Variants in SLC25A27 observed in about 807,000 individuals in gnomAD.
SLC25A27 encodes the protein solute carrier family 25 member 27, also known as mitochondrial uncoupling protein 4.
Under a neutral mutation model 49.1 loss-of-function variants are expected in SLC25A27, and 35 were observed. That is an observed-to-expected ratio of 0.71 (90% CI 0.54 to 0.95). SLC25A27 has a LOEUF of 0.95. Ranked by LOEUF, SLC25A27 falls within the 40% of genes least tolerant of loss-of-function variation. SLC25A27 has a pLI of 0.00. For synonymous variants in SLC25A27, 144 were observed against 136.9 expected (o/e 1.05, Z -0.36); for missense variants, 339 against 397.1 (o/e 0.85, Z 1.24).
chr6:46,653,833 A>G (rs1392999758), intron 1 of SLC25A27: 12 of 985,258 alleles, frequency 1.2e-5, no homozygotes, highest in African/African-American at 1.7e-5. Context: ...AGTCAATAAT[A>G]TATGATTGCT....
chr6:46,674,304 A>C (rs1222604634), intron 8 of SLC25A27, among the ~76,000 whole-genome samples: 1 of 152,184 alleles, frequency 6.6e-6, no homozygotes, highest in African/African-American at 2.4e-5. Context: ...AGATAAGAAA[A>C]TCATGGCTCA....
intron 6 of SLC25A27, 66 bp downstream of exon 6, chr6:46,668,859 T>A: frequency 1.1e-6 from 1 of 923,040 alleles, no homozygotes; most frequent in Non-Finnish European, 1.8e-6. Flanking sequence ...ATATTTGACA[T>A]AAATTCTTTA....
intron 5 of SLC25A27, among the ~76,000 whole-genome samples, chr6:46,666,228 C>T (rs1428956217): frequency 6.6e-6 from 1 of 152,156 alleles, no homozygotes; most frequent in African/African-American, 2.4e-5. Flanking sequence ...ATTATATGCC[C>T]TTTTGTGTGT....
Position 46,676,474 on chromosome 6 carries a change from T to C in SLC25A27, c.*20T>C, listed in dbSNP as rs776914860. ...TTTTAAACCCCTAAAGATGCAACCCTTAAAGATACAGTGTTCAGTATTATT... is the reference window on the plus strand; with the variant it reads ...TTTTAAACCCCTAAAGATGCAACCCCTAAAGATACAGTGTTCAGTATTATT... On this transcript the variant is annotated 3_prime_UTR_variant, in exon 9 of 9. Coordinates refer to ENST00000371347, the MANE Select transcript of SLC25A27 (RefSeq NM_004277.5). The C allele has an allele frequency of 6.8e-6, 11 of 1,613,748 alleles. No homozygotes were observed. In the East Asian group the frequency reaches 2.5e-4, roughly 36 times the overall value.
chr6:46,675,229 A>G (rs946581855), intron 8 of SLC25A27, among the ~76,000 whole-genome samples: 8 of 152,158 alleles, frequency 5.3e-5, no homozygotes, highest in African/African-American at 1.7e-4. Flanking sequence ...TCATTTGCCT[A>G]TGGATTTTGT....
intron 2 of SLC25A27, chr6:46,658,736 T>A (rs1582498785): frequency 1.8e-6 from 1 of 542,652 alleles, no homozygotes; most frequent in Non-Finnish European, 3.3e-6. Context: ...GAGAATTCAT[T>A]CTAGAAAGAT....
At position 46,662,361 on chromosome 6, in the gene SLC25A27, T is replaced by A; in HGVS notation, c.384-15T>A. 1.9e-6 allele frequency: 3 copies of A among 1,611,760 alleles called. No individual in the cohort carries two copies. The highest frequency in any genetic ancestry group is 2.5e-6 in the Non-Finnish European group (3 of 1,179,148). On this transcript the variant is annotated splice_polypyrimidine_tract_variant and intron_variant, in intron 3 of 8. Transcript: ENST00000371347. Reference sequence around the variant, plus strand: ...ATTAATGGCAACTTTAAAAAGAATTTCCTTCTGCAATTAGGAAATCAGTCA... The same window carrying A: ...ATTAATGGCAACTTTAAAAAGAATTACCTTCTGCAATTAGGAAATCAGTCA...
At chr6:46,655,673 T>C (rs564742192) in intron 1 of SLC25A27, among the ~76,000 whole-genome samples, 170 bp from the exon 2 acceptor site, 7 of 151,160 alleles carry the variant, frequency 4.6e-5, no homozygotes, top group Non-Finnish European at 1.0e-4. Context: ...TTAGAATCCA[T>C]GGGCACGGGG....
intron 4 of SLC25A27, among the ~76,000 whole-genome samples, chr6:46,663,241 T>G (rs913063168): frequency 2.0e-5 from 3 of 152,122 alleles, no homozygotes; most frequent in African/African-American, 7.2e-5. Context: ...CAGGATGACT[T>G]GAGCTGAGTA....
intron 8 of SLC25A27, among the ~76,000 whole-genome samples, chr6:46,671,578 C>A (rs1485271429): frequency 1.3e-5 from 2 of 151,482 alleles, no homozygotes; most frequent in Non-Finnish European, 2.9e-5. Flanking sequence ...CACTAGAGAC[C>A]TCTCCTACAA....
At chr6:46,655,142 G>A (rs1444634805) in intron 1 of SLC25A27, among the ~76,000 whole-genome samples, 2 of 152,144 alleles carry the variant, frequency 1.3e-5, no homozygotes, top group Non-Finnish European at 2.9e-5. Context: ...ATATAATTTA[G>A]TGCTGGAAAA....
At chr6:46,653,962 C>T in intron 1 of SLC25A27, 4 of 714,360 alleles carry the variant, frequency 5.6e-6, no homozygotes, top group Non-Finnish European at 6.9e-6. Flanking sequence ...GCTGGGGAGA[C>T]AGAGAAAGAC....
At chr6:46,656,188 GT>G (rs1010310076) in intron 2 of SLC25A27, among the ~76,000 whole-genome samples, 154 bp downstream of exon 2, 12 of 147,898 alleles carry the variant, frequency 8.1e-5, no homozygotes, top group African/African-American at 1.7e-4. Flanking sequence ...TATTATTTAG[GT>G]TTTTTTTTTG....
chr6:46,668,477 G>T lies in SLC25A27; in HGVS notation c.620-232G>T, dbSNP rs139311284. Among the ~76,000 whole-genome samples, 525 of 152,264 alleles carry T rather than the reference G, an allele frequency of 3.4e-3. 21 individuals carry two copies. The East Asian group carries it at 0.084, about 24-fold the overall frequency. On this transcript the variant is annotated intron_variant, in intron 5 of 8. Coordinates refer to ENST00000371347, the MANE Select transcript of SLC25A27 (RefSeq NM_004277.5). ...GGCTCAAATACTGAAAGGCCCAGGG[G>T]TTGAGCTGAATTTAGGCATAGCTAG... is the stretch of plus-strand genomic sequence containing the variant.
In SLC25A27 at chr6:46,659,723, TG is replaced by T. The variant is rs1470476360; in HGVS notation, c.383+682del. On this transcript the variant is annotated intron_variant, in intron 3 of 8. Coordinates refer to ENST00000371347, the MANE Select transcript of SLC25A27 (RefSeq NM_004277.5). ...ACAAAAAATTAGCTGGGTTTGGTGG[TG>T]GGGGACTGTAATCCAAGCTACACAG... 3.3e-5 allele frequency among the ~76,000 whole-genome samples: 5 copies of T among 151,690 alleles called. No homozygotes were observed. The East Asian group carries it at 9.7e-4, about 29-fold the overall frequency.
chr6:46,658,293 C>G (rs1763052943), intron 2 of SLC25A27, among the ~76,000 whole-genome samples: 1 of 152,164 alleles, frequency 6.6e-6, no homozygotes. Flanking sequence ...GAAAAGCTCT[C>G]TATACAAATA....
intron 1 of SLC25A27, among the ~76,000 whole-genome samples, chr6:46,655,001 A>G (rs930973658): frequency 2.0e-5 from 3 of 152,198 alleles, no homozygotes; most frequent in Non-Finnish European, 1.5e-5. Flanking sequence ...TATGAGCTCT[A>G]TCTTCCTTAT....
chr6:46,655,535 G>GGTTTT (rs1562033662), intron 1 of SLC25A27, among the ~76,000 whole-genome samples: 34 of 10,710 alleles, frequency 3.2e-3, no homozygotes, highest in Admixed American at 7.8e-3. Context: ...GTTAATGTTT[G>GGTTTT]TTTTTTTTTT....
At chr6:46,660,128 A>T (rs1222099712) in intron 3 of SLC25A27, among the ~76,000 whole-genome samples, 1 of 152,098 alleles carries the variant, frequency 6.6e-6, no homozygotes, top group Non-Finnish European at 1.5e-5. Flanking sequence ...CTGTGTCTTC[A>T]GAGAACTAAG....
Sources: allele counts gnomAD v4.1 joint callset (sites outside exome capture counted in the v4.1 genomes callset), GRCh38; gene constraint gnomAD v4.1.1; transcripts MANE v1.5; gene names NCBI Gene and HGNC (gene_info 2026-07-23, HGNC 2026-07-21).